The following MDGA2 variants were observed in gnomAD, a reference collection of about 807,000 sequenced individuals.
MDGA2 encodes the protein MAM domain-containing glycosylphosphatidylinositol anchor protein 2.
Under a neutral mutation model 117.8 loss-of-function variants are expected in MDGA2, and 40 were observed. That is an observed-to-expected ratio of 0.34 (90% CI 0.26 to 0.44). MDGA2 has a LOEUF of 0.44. Ranked by LOEUF, MDGA2 falls within the 20% of genes least tolerant of loss-of-function variation. MDGA2 has a pLI of 1.00. For synonymous variants in MDGA2, 452 were observed against 439.0 expected, an observed-to-expected ratio of 1.03 and a Z score of -0.37; for missense variants, 1,123 against 1,250.6, an observed-to-expected ratio of 0.90 and a Z score of 1.54.
At chr14:47,254,638 C>T (rs1046134390) in intron 2 of MDGA2, among the ~76,000 whole-genome samples, 1 of 152,162 alleles carries the variant, frequency 6.6e-6, no homozygotes, top group Non-Finnish European at 1.5e-5. Context: ...TAGGAAGTTC[C>T]AATCTTTCCC....
chr14:47,518,438 TATA>T (rs1894799954), intron 1 of MDGA2, among the ~76,000 whole-genome samples: 1 of 152,230 alleles, frequency 6.6e-6, no homozygotes, highest in Non-Finnish European at 1.5e-5. Flanking sequence ...TATAAACTGT[TATA>T]AGATACTAAT....
chr14:47,115,264 C>T (rs950180370), intron 5 of MDGA2, among the ~76,000 whole-genome samples: 3 of 151,934 alleles, frequency 2.0e-5, no homozygotes, highest in Non-Finnish European at 4.4e-5. Context: ...ACAACTCAGA[C>T]AAGTACTGTG....
chr14:47,558,146 A>G (rs905546387), intron 1 of MDGA2, among the ~76,000 whole-genome samples: 6 of 152,182 alleles, frequency 3.9e-5, no homozygotes, highest in African/African-American at 1.4e-4. Flanking sequence ...GCACCTAGAA[A>G]AAAAGACTAT....
intron 14 of MDGA2, among the ~76,000 whole-genome samples, chr14:46,872,424 T>G (rs535810560): frequency 6.6e-6 from 1 of 152,024 alleles, no homozygotes; most frequent in East Asian, 1.9e-4. Flanking sequence ...TGTTCTTGTT[T>G]GTATTGATGC....
At chr14:47,077,938 A>G (rs901664673) in intron 6 of MDGA2, among the ~76,000 whole-genome samples, 1 of 152,148 alleles carries the variant, frequency 6.6e-6, no homozygotes, top group African/African-American at 2.4e-5. Context: ...ACTCTCTTAC[A>G]ACAAACAAGA....
At chr14:47,602,068 T>C (rs570056600) in intron 1 of MDGA2, among the ~76,000 whole-genome samples, 1 of 152,340 alleles carries the variant, frequency 6.6e-6, no homozygotes, top group East Asian at 1.9e-4. Flanking sequence ...CGCTACATTA[T>C]TAACCTAAGA....
intron 1 of MDGA2, among the ~76,000 whole-genome samples, chr14:47,320,470 T>G (rs1276140553): frequency 5.3e-5 from 8 of 152,128 alleles, no homozygotes. Flanking sequence ...ACCAAACCTG[T>G]AGGTGAGTAG....
At chr14:47,133,342 T>C (rs1882301970) in intron 4 of MDGA2, among the ~76,000 whole-genome samples, 1 of 151,820 alleles carries the variant, frequency 6.6e-6, no homozygotes, top group African/African-American at 2.4e-5. Context: ...TGAAAGAAAA[T>C]GATATGCTAG....
intron 1 of MDGA2, among the ~76,000 whole-genome samples, chr14:47,473,951 A>G (rs1316203925): frequency 1.3e-5 from 2 of 152,178 alleles, no homozygotes; most frequent in African/African-American, 4.8e-5. Context: ...CACCACTCCT[A>G]TTCAACATAG....
At chr14:47,540,542 A>G (rs58731325) in intron 1 of MDGA2, among the ~76,000 whole-genome samples, 26,998 of 66,968 alleles carry the variant, frequency 0.4, 3,995 homozygotes, top group Middle Eastern at 0.5. Flanking sequence ...GTGTGTGTGT[A>G]TATATATATA....
intron 16 of MDGA2, among the ~76,000 whole-genome samples, chr14:46,842,655 T>C (rs1880665120): frequency 6.6e-6 from 1 of 152,224 alleles, no homozygotes; most frequent in Non-Finnish European, 1.5e-5. Context: ...TAAAACCTGG[T>C]GTCCAGTTGA....
chr14:47,222,304 T>C (rs182389927), intron 2 of MDGA2, among the ~76,000 whole-genome samples: 3 of 151,952 alleles, frequency 2.0e-5, no homozygotes, highest in Non-Finnish European at 4.4e-5. Flanking sequence ...TTATATATAA[T>C]AAGATTAAAT....
chr14:47,248,068 C>T (rs1887309729), intron 2 of MDGA2, among the ~76,000 whole-genome samples: 1 of 151,442 alleles, frequency 6.6e-6, no homozygotes, highest in South Asian at 2.1e-4. Context: ...TGGATTGGTT[C>T]CAAGTCTCTG....
At chr14:47,286,118 C>A (rs564560924) in intron 2 of MDGA2, among the ~76,000 whole-genome samples, 8 of 151,718 alleles carry the variant, frequency 5.3e-5, no homozygotes, top group African/African-American at 1.9e-4. Flanking sequence ...AATACTTTTA[C>A]GTATTTGTGG....
intron 4 of MDGA2, among the ~76,000 whole-genome samples, chr14:47,132,507 A>C (rs1233552076): frequency 6.6e-6 from 1 of 151,912 alleles, no homozygotes; most frequent in Admixed American, 6.6e-5. Flanking sequence ...ACAACTGTAG[A>C]TAGATGCAAA....
At chr14:47,432,803 G>A (rs2138530334) in intron 1 of MDGA2, among the ~76,000 whole-genome samples, 1 of 152,248 alleles carries the variant, frequency 6.6e-6, no homozygotes, top group African/African-American at 2.4e-5. Context: ...ACTCTAGTTT[G>A]AAACAATCAT....
At chr14:47,561,175 G>GGTTTTTTTTTTTTT (rs1555332274) in intron 1 of MDGA2, among the ~76,000 whole-genome samples, 1 of 69,398 alleles carries the variant, frequency 1.4e-5, no homozygotes, top group Non-Finnish European at 2.8e-5. Context: ...TTTTTTGTTT[G>GGTTTTTTTTTTTTT]TTTGTTTTTT....
At chr14:47,037,844 C>T (rs1043679676) in intron 7 of MDGA2, among the ~76,000 whole-genome samples, 2 of 152,158 alleles carry the variant, frequency 1.3e-5, no homozygotes, top group African/African-American at 2.4e-5. Context: ...AGGGTTATTA[C>T]TTGAAATATA....
chr14:46,931,712 G>A (rs1041827632), intron 9 of MDGA2, among the ~76,000 whole-genome samples: 2 of 151,788 alleles, frequency 1.3e-5, no homozygotes, highest in African/African-American at 4.8e-5. Flanking sequence ...TAGTAGAGAC[G>A]GGGTTTCGCC....
Sources: gnomAD v4.1 joint callset for allele counts (sites outside exome capture counted in the v4.1 genomes callset) on GRCh38, gnomAD v4.1.1 for gene constraint, MANE v1.5 for transcripts, NCBI Gene and HGNC (gene_info 2026-07-23, HGNC 2026-07-21) for gene names.